EYA4: variants seen among roughly 807,000 people sequenced by gnomAD.
EYA4 encodes protein phosphatase EYA4.
In EYA4, 31 loss-of-function variants were observed where a neutral mutation model predicts 87.9. The observed-to-expected ratio is 0.35, with a 90% CI of 0.27 to 0.48. The LOEUF is 0.48. Among genes scored for constraint, EYA4 ranks in the 20% least tolerant of loss-of-function variants. EYA4 has a pLI of 0.99. For synonymous variants in EYA4, 263 were observed against 270.6 expected (o/e 0.97, Z 0.28); for missense variants, 678 against 761.4 (o/e 0.89, Z 1.29).
At chr6:133,355,478 C>A (rs1783946843) in intron 2 of EYA4, among the ~76,000 whole-genome samples, 2 of 152,184 alleles carry the variant, frequency 1.3e-5, no homozygotes, top group African/African-American at 4.8e-5. Context: ...GGTACCTATA[C>A]ACCATAGACA....
At chr6:133,470,704 T>TG in intron 11 of EYA4, among the ~76,000 whole-genome samples, 1 of 42,154 alleles carries the variant, frequency 2.4e-5, no homozygotes. Flanking sequence ...TTCACGATAT[T>TG]GATTCTTCCT....
chr6:133,490,063 TGTTA>T (rs1283082283), intron 13 of EYA4, among the ~76,000 whole-genome samples: 1 of 152,188 alleles, frequency 6.6e-6, no homozygotes, highest in Admixed American at 6.5e-5. Context: ...TTTGCTGGTT[TGTTA>T]GTTTGTTGGT....
At chr6:133,288,950 G>A (rs1237649741) in intron 2 of EYA4, among the ~76,000 whole-genome samples, 2 of 152,162 alleles carry the variant, frequency 1.3e-5, no homozygotes, top group Non-Finnish European at 2.9e-5. Flanking sequence ...AGTCCCAAGA[G>A]AGTTGTGGTA....
chr6:133,509,064 A>C (rs530036670), intron 14 of EYA4, among the ~76,000 whole-genome samples: 1 of 152,288 alleles, frequency 6.6e-6, no homozygotes, highest in South Asian at 2.1e-4. Context: ...CATCCAGATA[A>C]AGTGCCCAAG....
intron 2 of EYA4, among the ~76,000 whole-genome samples, chr6:133,289,212 T>C (rs557912788): frequency 6.6e-6 from 1 of 152,318 alleles, no homozygotes; most frequent in East Asian, 1.9e-4. Flanking sequence ...TGATACACTC[T>C]GACTCTGGAA....
chr6:133,262,425 G>T (rs1297953923), intron 1 of EYA4, among the ~76,000 whole-genome samples: 2 of 152,218 alleles, frequency 1.3e-5, no homozygotes, highest in African/African-American at 4.8e-5. Flanking sequence ...AAGTTGGTCT[G>T]CAGAGTCTGC....
chr6:133,468,517 TA>T (rs1275870935), intron 10 of EYA4, 48 bp from the exon 11 acceptor site: 1 of 1,419,710 alleles, frequency 7.0e-7, no homozygotes, highest in Non-Finnish European at 1.0e-6. Flanking sequence ...GGGAGAGTAT[TA>T]AAGAGTAATT....
intron 1 of EYA4, among the ~76,000 whole-genome samples, chr6:133,274,050 T>A (rs1776961941): frequency 1.3e-5 from 2 of 152,202 alleles, no homozygotes; most frequent in African/African-American, 4.8e-5. Context: ...CTATTTTTCT[T>A]AGAGTTTTTC....
intron 2 of EYA4, among the ~76,000 whole-genome samples, chr6:133,348,100 C>T (rs974714083): frequency 1.3e-5 from 2 of 152,092 alleles, no homozygotes; most frequent in Admixed American, 6.6e-5. Context: ...AAGCTCTCAG[C>T]TTCTTCGTTT....
intron 1 of EYA4, among the ~76,000 whole-genome samples, chr6:133,274,052 G>C (rs73557737): frequency 0.046 from 7,073 of 152,122 alleles, 578 homozygotes; most frequent in African/African-American, 0.16. Flanking sequence ...ATTTTTCTTA[G>C]AGTTTTTCAA....
chr6:133,305,082 G>T (rs1447056922), intron 2 of EYA4, among the ~76,000 whole-genome samples: 1 of 152,122 alleles, frequency 6.6e-6, no homozygotes, highest in African/African-American at 2.4e-5. Context: ...ATTAATTGAG[G>T]GTATTTGAGA....
chr6:133,448,264 G>C (rs1351302892), intron 5 of EYA4, 85 bp downstream of exon 5: 5 of 1,001,158 alleles, frequency 5.0e-6, no homozygotes, highest in Middle Eastern at 2.0e-4. Context: ...GTCTATGTTT[G>C]CATCTCTTTT....
At chr6:133,352,301 C>G (rs887179060) in intron 2 of EYA4, among the ~76,000 whole-genome samples, 1 of 152,176 alleles carries the variant, frequency 6.6e-6, no homozygotes, top group Non-Finnish European at 1.5e-5. Flanking sequence ...CGTCACAATT[C>G]ATTGGCTACC....
At chr6:133,465,292 G>A (rs1261597179) in intron 10 of EYA4, among the ~76,000 whole-genome samples, 1 of 152,096 alleles carries the variant, frequency 6.6e-6, no homozygotes, top group African/African-American at 2.4e-5. Flanking sequence ...CCTAAAAAGT[G>A]TCCTTTGTTA....
chr6:133,359,826 T>C (rs1784328427), intron 2 of EYA4, among the ~76,000 whole-genome samples: 1 of 152,240 alleles, frequency 6.6e-6, no homozygotes, highest in Admixed American at 6.5e-5. Context: ...TAGACAAAGA[T>C]GACAGTACCA....
intron 10 of EYA4, among the ~76,000 whole-genome samples, chr6:133,465,774 T>C (rs1048958354): frequency 2.0e-5 from 3 of 152,152 alleles, no homozygotes; most frequent in Non-Finnish European, 2.9e-5. Flanking sequence ...TTAGATTTAC[T>C]GAAGGAATTT....
chr6:133,364,639 C>T (rs984213638), intron 2 of EYA4, among the ~76,000 whole-genome samples: 3 of 152,218 alleles, frequency 2.0e-5, no homozygotes, highest in African/African-American at 4.8e-5. Flanking sequence ...TGGTGCCTCA[C>T]TGCTGTTGAC....
intron 3 of EYA4, among the ~76,000 whole-genome samples, chr6:133,426,451 TCAAAAAC>T (rs140395118): frequency 0.028 from 4,205 of 152,284 alleles, 92 homozygotes; most frequent in Middle Eastern, 0.048. Flanking sequence ...ACCACCTTAG[TCAAAAAC>T]CATTTAACTT....
At chr6:133,519,490 G>A (rs945834657) in intron 17 of EYA4, among the ~76,000 whole-genome samples, 3 of 151,496 alleles carry the variant, frequency 2.0e-5, no homozygotes, top group Admixed American at 6.6e-5. Flanking sequence ...ATCTGAAATT[G>A]TGGCAATAAT....
Sources: gnomAD v4.1 joint callset for allele counts (sites outside exome capture counted in the v4.1 genomes callset) on GRCh38, gnomAD v4.1.1 for gene constraint, MANE v1.5 for transcripts, NCBI Gene and HGNC (gene_info 2026-07-23, HGNC 2026-07-21) for gene names.